PHACTR2: variants seen among roughly 807,000 people sequenced by gnomAD.
The protein encoded by PHACTR2 is chromosome 6 open reading frame 56.
In PHACTR2, 30 loss-of-function variants were observed where a neutral mutation model predicts 76.0. That is an observed-to-expected ratio of 0.39 (90% confidence interval 0.30 to 0.54). The LOEUF (loss-of-function observed/expected upper bound fraction) is 0.54, where lower values mean the gene tolerates loss of function less well. Among genes scored for constraint, PHACTR2 ranks in the 20% least tolerant of loss-of-function variants. The probability of loss-of-function intolerance (pLI) is 0.61; values close to 1 mark genes in which losing one functional copy is unlikely to be tolerated. For missense variants in PHACTR2, 696 were observed against 781.1 expected, an observed-to-expected ratio of 0.89 and a Z score of 1.30; for synonymous variants, 292 against 292.5, an observed-to-expected ratio of 1.00 and a Z score of 0.02.
upstream of PHACTR2, among the ~76,000 whole-genome samples, chr6:143,605,048 C>T (rs986169150): frequency 1.1e-4 from 16 of 151,562 alleles, no homozygotes; most frequent in Admixed American, 6.6e-5. This position sits in a 1 kb window ranked among gnomAD's most constrained non-coding sequence, Gnocchi z 5.0. Context: ...CTCAGGGCCC[C>T]ACAGCAGCCT....
At chr6:143,779,001 T>C (rs1775352472) in intron 9 of PHACTR2, among the ~76,000 whole-genome samples, 1 of 152,096 alleles carries the variant, frequency 6.6e-6, no homozygotes, top group Non-Finnish European at 1.5e-5. Context: ...ACTCCAGCCC[T>C]TTTTTTCCTT....
rs1775205429 is a variant in PHACTR2 at position 143,558,051 on chromosome 6, T to A, written c.217+20844T>A. 3 of 152,266 alleles carry A rather than the reference T, an allele frequency of 2.0e-5. No individual in the cohort carries two copies. The South Asian group carries it at 6.2e-4, about 32-fold the overall frequency. 9.4% of individuals were successfully genotyped at this position (152,266 alleles called of 1,614,324 possible). A position where few individuals can be genotyped will look rare whatever the true frequency, so the allele number is the denominator to read the frequency against. On this transcript the variant is annotated intron_variant, in intron 1 of 11. Coordinates refer to the PHACTR2 transcript ENST00000367584. The surrounding 1 kb of genome is among the most constrained non-coding windows in gnomAD (Gnocchi z 4.7). ...CTTTCTCTCTGACGTTCTCCTTGGG[T>A]CCATCCCACATGCTGCCTGGGAGCT...
intron 1 of PHACTR2, among the ~76,000 whole-genome samples, chr6:143,601,895 T>A (rs903846852): frequency 2.6e-5 from 4 of 152,222 alleles, no homozygotes; most frequent in African/African-American, 7.2e-5. Context: ...TTTTAAAAAA[T>A]TTTTAATTAT....
In PHACTR2 at chr6:143,581,261, G is replaced by T. The variant is rs1252136282; in HGVS notation, c.217+44054G>T. Among the ~76,000 whole-genome samples, 1 of 152,198 alleles carries T rather than the reference G, an allele frequency of 6.6e-6. No individual in the cohort carries two copies. The highest frequency in any genetic ancestry group is 2.4e-5 in the African/African-American group (1 of 41,450). On this transcript the variant is annotated intron_variant, in intron 1 of 11. Coordinates refer to the PHACTR2 transcript ENST00000367584. This position sits in a 1 kb window ranked among gnomAD's most constrained non-coding sequence, Gnocchi z 4.5. ...CTTTGACTATGGCATAGACTCTGTA[G>T]ATGTCTGTAATTGACCGGGAGGTAT... is the stretch of plus-strand genomic sequence containing the variant.
chr6:143,640,784 C>T (rs1263799942), intron 1 of PHACTR2, among the ~76,000 whole-genome samples: 1 of 152,130 alleles, frequency 6.6e-6, no homozygotes, highest in Non-Finnish European at 1.5e-5. Context: ...TCCTAACTTC[C>T]AGAACCTGTG....
rs537351206 is a variant in PHACTR2, at chr6:143,592,818, C to T, written c.217+55611C>T. On this transcript the variant is annotated intron_variant, in intron 1 of 11. Coordinates refer to the PHACTR2 transcript ENST00000367584. The surrounding 1 kb of genome is among the most constrained non-coding windows in gnomAD (Gnocchi z 4.0). ...ATCCCAGCACTTTGGGAGGCCAAGG[C>T]GAGCAGATTACTTGAGCCTAGGAGT... Among the ~76,000 whole-genome samples the T allele has an allele frequency of 2.0e-5, 3 of 151,916 alleles. No individual in the cohort carries two copies. The South Asian group carries it at 6.2e-4, about 32-fold the overall frequency.
rs1053998389 is a variant in PHACTR2 at position 143,561,888 on chromosome 6, C to T, written c.217+24681C>T. The T allele has an allele frequency of 3.3e-5, 5 of 152,178 alleles. No individual in the cohort carries two copies. The highest frequency in any genetic ancestry group is 2.0e-4 in the Admixed American group (3 of 15,276). 9.4% of individuals were successfully genotyped at this position (152,178 alleles called of 1,614,324 possible). A position where few individuals can be genotyped will look rare whatever the true frequency, so the allele number is the denominator to read the frequency against. On this transcript the variant is annotated intron_variant, in intron 1 of 11. Transcript: ENST00000367584. This position sits in a 1 kb window ranked among gnomAD's most constrained non-coding sequence, Gnocchi z 4.1. ...TCAGGTTGCCTTTGATATTAACCTC[C>T]ATGAAGACTATCACTGATTGAATGA...
chr6:143,626,536 CA>C (rs35107482), intron 1 of PHACTR2, among the ~76,000 whole-genome samples: 58 of 122,290 alleles, frequency 4.7e-4, no homozygotes, highest in Middle Eastern at 8.3e-3. Context: ...GACTCCGTCT[CA>C]AAAAAAAAAA....
In PHACTR2 at chr6:143,683,813, C is replaced by T. The variant is rs917904186; in HGVS notation, c.46+5604C>T. The stretch of plus-strand genomic sequence containing the variant: ...TTTGGGATAAAAATGAATTTACTCC[C>T]TCCCAGAATCCTCCAGTCCCACTTT... On this transcript the variant is annotated intron_variant, in intron 1 of 12. Transcript: ENST00000440869. This position sits in a 1 kb window ranked among gnomAD's most constrained non-coding sequence, Gnocchi z 4.1. 2.0e-5 allele frequency among the ~76,000 whole-genome samples: 3 copies of T among 152,180 alleles called. No individual in the cohort carries two copies. Among genetic ancestry groups the T allele is most frequent in the African/African-American group, 4.8e-5 (2 of 41,428 alleles).
Position 143,828,121 on chromosome 6 carries a change from G to C in PHACTR2, c.*4432G>C, listed in dbSNP as rs952740198. The C allele has an allele frequency of 6.6e-6, 1 of 152,116 alleles. No homozygotes were observed. The highest frequency in any genetic ancestry group is 2.4e-5 in the African/African-American group (1 of 41,402). The allele number at this position is 152,116 out of a possible 1,614,324, so 9.4% of individuals were successfully genotyped here. On this transcript the variant is annotated 3_prime_UTR_variant, in exon 13 of 13. Coordinates refer to ENST00000440869, the MANE Select transcript of PHACTR2 (RefSeq NM_001100164.2). The surrounding 1 kb of genome is among the most constrained non-coding windows in gnomAD (Gnocchi z 4.7). The stretch of plus-strand genomic sequence containing the variant: ...GCCCAGATCGTGCCACTCCACTCCA[G>C]CCTGGGAGACAGAGCAAGACTCCAT...
chr6:143,715,155 G>GT (rs1226236661), intron 2 of PHACTR2, among the ~76,000 whole-genome samples: 1 of 152,100 alleles, frequency 6.6e-6, no homozygotes, highest in African/African-American at 2.4e-5. Context: ...ATTAAATTTA[G>GT]TGTCGTTCTC....
rs1035957048 is a variant in PHACTR2, at chr6:143,818,417, T to C, written c.1923-5257T>C. ...CATCTGTACAAAGATGATATAGGAGTACTTTCATCGTAAGATTGTTTTGGG... is the reference window on the plus strand; with the variant it reads ...CATCTGTACAAAGATGATATAGGAGCACTTTCATCGTAAGATTGTTTTGGG... On this transcript the variant is annotated intron_variant, in intron 12 of 12. Coordinates refer to ENST00000440869, the MANE Select transcript of PHACTR2 (RefSeq NM_001100164.2). The surrounding 1 kb of genome is among the most constrained non-coding windows in gnomAD (Gnocchi z 4.9). Among the ~76,000 whole-genome samples the C allele has an allele frequency of 2.6e-5, 4 of 152,128 alleles. No homozygotes were observed. Among genetic ancestry groups the C allele is most frequent in the African/African-American group, 7.2e-5 (3 of 41,424 alleles).
chr6:143,691,666 CAAG>C (rs751918110), intron 1 of PHACTR2, among the ~76,000 whole-genome samples: 2 of 152,184 alleles, frequency 1.3e-5, no homozygotes, highest in Non-Finnish European at 2.9e-5. Context: ...GTTGCCTTTT[CAAG>C]AAGACCTCTG....
rs1193831937 is a variant in PHACTR2, at chr6:143,783,092, T to C, written c.1646-127T>C. 1.2e-5 allele frequency: 7 copies of C among 602,294 alleles called. No homozygotes were observed. The Admixed American group carries it at 2.0e-4, about 17-fold the overall frequency. The allele number at this position is 602,294 out of a possible 1,614,324, so 37.3% of individuals were successfully genotyped here. On this transcript the variant is annotated intron_variant, in intron 9 of 12. Coordinates refer to ENST00000440869, the MANE Select transcript of PHACTR2 (RefSeq NM_001100164.2). The surrounding 1 kb of genome is among the most constrained non-coding windows in gnomAD (Gnocchi z 5.2). ...TCCTACAAAATATTTTGACAACTTT[T>C]TAACAATGTTGGTTGTGTGTTTGAT... is the stretch of plus-strand genomic sequence containing the variant.
At chr6:143,615,224 A>G (rs1257174305) in intron 1 of PHACTR2, among the ~76,000 whole-genome samples, 1 of 152,172 alleles carries the variant, frequency 6.6e-6, no homozygotes, top group Non-Finnish European at 1.5e-5. Context: ...ACTTGAATCT[A>G]GCCTTTTGTA....
chr6:143,574,644 G>A lies in PHACTR2; in HGVS notation c.217+37437G>A, dbSNP rs188635821. Among the ~76,000 whole-genome samples the A allele has an allele frequency of 1.4e-3, 217 of 151,202 alleles. 3 individuals carry two copies. Among genetic ancestry groups the A allele is most frequent in the Admixed American group, 0.012 (183 of 15,200 alleles). On this transcript the variant is annotated intron_variant, in intron 1 of 11. Coordinates refer to the PHACTR2 transcript ENST00000367584. Reference sequence around the variant, plus strand: ...GCAAATACTGGTAAAATGATTCCCCGGAATGTGTTTAACTTTTCAAAATAC... The same window carrying A: ...GCAAATACTGGTAAAATGATTCCCCAGAATGTGTTTAACTTTTCAAAATAC...
rs10499229 is a variant in PHACTR2, at chr6:143,821,453, G to A, written c.1923-2221G>A. 0.18 allele frequency among the ~76,000 whole-genome samples: 28,106 copies of A among 152,172 alleles called. 2,746 individuals carry two copies. The highest frequency in any genetic ancestry group is 0.36 in the East Asian group (1,844 of 5,176). ...CGTTTAGTAAGTACTATCACGTGCC[G>A]GAGATTGTATTCAATGAGTATGTAA... is the stretch of plus-strand genomic sequence containing the variant. On this transcript the variant is annotated intron_variant, in intron 12 of 12. Transcript: ENST00000440869. The surrounding 1 kb of genome is among the most constrained non-coding windows in gnomAD (Gnocchi z 5.2).
intron 1 of PHACTR2, among the ~76,000 whole-genome samples, chr6:143,693,805 T>A (rs768463684): frequency 9.9e-5 from 15 of 152,130 alleles, no homozygotes; most frequent in Non-Finnish European, 1.3e-4. Context: ...GCAGTACACT[T>A]AGGAAGTAAA....
Position 143,585,889 on chromosome 6 carries a change from C to T in PHACTR2, c.217+48682C>T, listed in dbSNP as rs1423784842. Among the ~76,000 whole-genome samples the T allele has an allele frequency of 2.6e-5, 4 of 152,130 alleles. No homozygotes were observed. Among genetic ancestry groups the T allele is most frequent in the African/African-American group, 4.8e-5 (2 of 41,416 alleles). The stretch of plus-strand genomic sequence containing the variant: ...GCAGCAGGGGATTTTAAGCTGGGGC[C>T]GCTAGCACTTCATGGCAGGGACACA... On this transcript the variant is annotated intron_variant, in intron 1 of 11. Transcript: ENST00000367584. The surrounding 1 kb of genome is among the most constrained non-coding windows in gnomAD (Gnocchi z 5.2).
Sources: gnomAD v4.1 joint callset for allele counts (sites outside exome capture counted in the v4.1 genomes callset) on GRCh38, gnomAD v4.1.1 for gene constraint, Gnocchi (gnomAD v3.1) non-coding constraint, MANE v1.5 for transcripts, NCBI Gene and HGNC (gene_info 2026-07-23, HGNC 2026-07-21) for gene names.